LDB2: variants seen among roughly 807,000 people sequenced by gnomAD.
LDB2 encodes the protein LIM domain-binding protein 2.
Under a neutral mutation model 44.3 loss-of-function variants are expected in LDB2, and 12 were observed. The observed-to-expected ratio is 0.27, with a 90% confidence interval of 0.17 to 0.44. The LOEUF (loss-of-function observed/expected upper bound fraction) is 0.44. Ranked by LOEUF, LDB2 falls within the 20% of genes least tolerant of loss-of-function variation. The pLI, the probability that LDB2 is intolerant of heterozygous loss-of-function variation, is 1.00. For missense variants in LDB2, 344 were observed against 473.5 expected, an observed-to-expected ratio of 0.73 and a Z score of 2.54; for synonymous variants, 164 against 174.8, an observed-to-expected ratio of 0.94 and a Z score of 0.49.
chr4:16,571,813 G>T (rs560297357), intron 5 of LDB2, among the ~76,000 whole-genome samples: 1 of 152,210 alleles, frequency 6.6e-6, no homozygotes, highest in East Asian at 1.9e-4. Flanking sequence ...AATTATATTT[G>T]TTTTCTCTTA....
At chr4:16,572,991 C>T (rs1376815164) in intron 5 of LDB2, among the ~76,000 whole-genome samples, 8 of 152,210 alleles carry the variant, frequency 5.3e-5, no homozygotes, top group Non-Finnish European at 1.2e-4. Flanking sequence ...TCCTCACCTT[C>T]TCTAAAGCAC....
intron 2 of LDB2, among the ~76,000 whole-genome samples, chr4:16,713,356 T>C (rs1756355336): frequency 7.9e-6 from 1 of 126,616 alleles, no homozygotes; most frequent in Admixed American, 8.4e-5. Context: ...ATAAAATAAA[T>C]AGTAAAGCTT....
chr4:16,560,393 C>T (rs1157022827), intron 5 of LDB2, among the ~76,000 whole-genome samples: 3 of 152,014 alleles, frequency 2.0e-5, no homozygotes, highest in African/African-American at 7.3e-5. Flanking sequence ...ATATCACCAC[C>T]AATCCCACAG....
chr4:16,541,557 C>T (rs1242490830), intron 5 of LDB2, among the ~76,000 whole-genome samples: 1 of 152,202 alleles, frequency 6.6e-6, no homozygotes, highest in Non-Finnish European at 1.5e-5. Flanking sequence ...GTTCCTGAAT[C>T]TGTGGATGAC....
intron 5 of LDB2, among the ~76,000 whole-genome samples, chr4:16,584,351 A>C (rs1443899710): frequency 6.6e-6 from 1 of 152,198 alleles, no homozygotes; most frequent in Admixed American, 6.5e-5. Context: ...ATTCCTATCC[A>C]TATCATCAGT....
At chr4:16,732,311 T>G (rs1355581944) in intron 2 of LDB2, among the ~76,000 whole-genome samples, 1 of 152,172 alleles carries the variant, frequency 6.6e-6, no homozygotes, top group Admixed American at 6.5e-5. Flanking sequence ...AGGACAATGC[T>G]CCAGCACTCA....
intron 5 of LDB2, among the ~76,000 whole-genome samples, chr4:16,516,876 G>C (rs570122198): frequency 2.0e-5 from 3 of 152,200 alleles, no homozygotes; most frequent in Non-Finnish European, 4.4e-5. Context: ...TTTTCTTCCA[G>C]TGGAGAGTCC....
chr4:16,862,758 T>C (rs1456709982), intron 1 of LDB2, among the ~76,000 whole-genome samples: 1 of 151,534 alleles, frequency 6.6e-6, no homozygotes, highest in Non-Finnish European at 1.5e-5. Context: ...TTAGAAGGTG[T>C]CCAGTTTCCC....
chr4:16,847,461 T>A (rs2110154487), intron 1 of LDB2, among the ~76,000 whole-genome samples: 1 of 152,298 alleles, frequency 6.6e-6, no homozygotes, highest in East Asian at 1.9e-4. Context: ...TTTGAAAAAA[T>A]TCTTACATCA....
At chr4:16,772,116 G>A (rs1360592178) in intron 1 of LDB2, among the ~76,000 whole-genome samples, 2 of 152,140 alleles carry the variant, frequency 1.3e-5, no homozygotes, top group Non-Finnish European at 2.9e-5. Context: ...TCCACCACCA[G>A]TGGATGCCTT....
At chr4:16,794,990 A>C (rs1776446439) in intron 1 of LDB2, among the ~76,000 whole-genome samples, 1 of 152,210 alleles carries the variant, frequency 6.6e-6, no homozygotes, top group Admixed American at 6.5e-5. Context: ...GGCAGGAAAG[A>C]CACAACCTAG....
chr4:16,586,671 T>C (rs1717105743), intron 4 of LDB2, among the ~76,000 whole-genome samples: 1 of 152,170 alleles, frequency 6.6e-6, no homozygotes, highest in Non-Finnish European at 1.5e-5. Flanking sequence ...TTCCAAAATG[T>C]CAGCCACATT....
rs534677396 is a variant in LDB2, at chr4:16,834,865, G to C, written c.132+63489C>G. Among the ~76,000 whole-genome samples the C allele has an allele frequency of 2.4e-4, 36 of 151,718 alleles. No homozygotes were observed. In the South Asian group the frequency reaches 6.7e-3, roughly 28 times the overall value. ...GGCAGGAGTCAAGAAGGAAAGGAAG[G>C]CTCTGTCGTGTTCACTATTGTACTC... On this transcript the variant is annotated intron_variant, in intron 1 of 7. Coordinates refer to ENST00000304523, the MANE Select transcript of LDB2 (RefSeq NM_001290.5).
At chr4:16,609,779 G>T (rs1291880603) in intron 2 of LDB2, among the ~76,000 whole-genome samples, 1 of 152,172 alleles carries the variant, frequency 6.6e-6, no homozygotes, top group African/African-American at 2.4e-5. Context: ...TCTCCTCCTA[G>T]TAGTTCTGAG....
intron 2 of LDB2, among the ~76,000 whole-genome samples, 167 bp downstream of exon 2, chr4:16,758,991 A>G (rs1241995718): frequency 1.3e-5 from 2 of 152,202 alleles, no homozygotes; most frequent in African/African-American, 4.8e-5. Flanking sequence ...GTCAGAGCCA[A>G]CTAGGGCTGC....
chr4:16,537,072 T>C (rs187587609), intron 5 of LDB2, among the ~76,000 whole-genome samples: 25 of 152,338 alleles, frequency 1.6e-4, no homozygotes, highest in African/African-American at 6.0e-4. Flanking sequence ...CCTGTGTGTG[T>C]GGCTGAGTGT....
At chr4:16,665,988 C>T (rs962887686) in intron 2 of LDB2, among the ~76,000 whole-genome samples, 1 of 152,130 alleles carries the variant, frequency 6.6e-6, no homozygotes. Flanking sequence ...GGATGGGGGC[C>T]TGGAACAATC....
intron 2 of LDB2, among the ~76,000 whole-genome samples, chr4:16,701,700 G>A (rs1753478129): frequency 6.6e-6 from 1 of 152,214 alleles, no homozygotes; most frequent in Non-Finnish European, 1.5e-5. Context: ...TGCAGCCTGT[G>A]AGCTAGGTGC....
chr4:16,695,302 G>A (rs1024725177), intron 2 of LDB2, among the ~76,000 whole-genome samples: 4 of 152,044 alleles, frequency 2.6e-5, no homozygotes, highest in African/African-American at 9.7e-5. Flanking sequence ...TTTGGGCGGT[G>A]GGCGGATCAC....
Sources: gnomAD v4.1 joint callset for allele counts (sites outside exome capture counted in the v4.1 genomes callset) on GRCh38, gnomAD v4.1.1 for gene constraint, MANE v1.5 for transcripts, NCBI Gene and HGNC (gene_info 2026-07-23, HGNC 2026-07-21) for gene names.